Variants in C5orf24 observed in about 807,000 individuals in gnomAD.
The protein encoded by C5orf24 is chromosome 5 open reading frame 24, also known as UPF0461 protein C5orf24.
In C5orf24, 4 loss-of-function variants were observed where a neutral mutation model predicts 9.8. The ratio of observed to expected loss-of-function variants is 0.41; its 90% CI spans 0.20 to 0.93. The LOEUF is 0.93. Among genes scored for constraint, C5orf24 ranks in the 40% least tolerant of loss-of-function variants. C5orf24 has a pLI of 0.33. For missense variants in C5orf24, 170 were observed against 236.9 expected (o/e 0.72, Z 1.85); for synonymous variants, 73 against 81.3 (o/e 0.90, Z 0.55).
At chr5:134,840,788 G>C (rs184043858), upstream of C5orf24, among the ~76,000 whole-genome samples, 1 of 151,562 alleles carries the variant, frequency 6.6e-6, no homozygotes, top group Non-Finnish European at 1.5e-5. Flanking sequence ...CTCCTGTTTC[G>C]GCCTCCCAAA....
rs1246025914 is a variant in C5orf24 at position 134,857,379 on chromosome 5, G to T, written c.*1912G>T. 8 of 1,548,302 alleles carry T rather than the reference G, an allele frequency of 5.2e-6. No individual in the cohort carries two copies. In the East Asian group the frequency reaches 2.0e-4, roughly 38 times the overall value. ...CAGGAAAAAAGCAGCAAGCCTTCAGGTGTTCCAGTGATGCCTGACACAATT... is the reference window on the plus strand; with the variant it reads ...CAGGAAAAAAGCAGCAAGCCTTCAGTTGTTCCAGTGATGCCTGACACAATT... On this transcript the variant is annotated 3_prime_UTR_variant, in exon 2 of 2. Transcript: ENST00000394976.
At position 134,855,064 on chromosome 5, in the gene C5orf24, G is replaced by A; in HGVS notation, c.164G>A (p.Arg55Lys). ...TVNHKPMVCQ[R>K]QDPLNETHLQ... is the part of the protein sequence containing the mutation. ...AACCACAAACCAATGGTTTGTCAGA[G>A]GCAAGACCCATTAAATGAAACACAC... The change falls in exon 2 of 2, where the codon AGG (arginine) becomes AAG (lysine). Residue 55 changes from arginine (R) to lysine (K), a missense_variant. Coordinates refer to ENST00000394976, the MANE Select transcript of C5orf24 (RefSeq NM_001135586.1). The A allele has an allele frequency of 6.2e-7, 1 of 1,614,008 alleles. No individual in the cohort carries two copies. Among genetic ancestry groups the A allele is most frequent in the Non-Finnish European group, 8.5e-7 (1 of 1,180,016 alleles).
intron 1 of C5orf24, 148 bp from the exon 2 acceptor site, chr5:134,854,750 T>C (rs1756262505): frequency 1.4e-6 from 1 of 705,778 alleles, no homozygotes; most frequent in Non-Finnish European, 2.3e-6. Flanking sequence ...TGTGTTTGTT[T>C]ATAAGTGGTC....
At chr5:134,837,114 T>C in the C5orf24 span, among the ~76,000 whole-genome samples, 191 of 152,116 alleles carry the variant, frequency 1.3e-3, 2 homozygotes, top group Middle Eastern at 0.031. Context: ...GCTGGGACTA[T>C]AGGCATGCGT....
In C5orf24 at chr5:134,855,266, A is replaced by G. The variant is rs1449160285; in HGVS notation, c.366A>G (p.Pro122=). ...TTKAAGFKTS[P]GRPLGTTKAA... is the part of the protein sequence containing the mutation. ...AAGCAGCTGGATTTAAGACAAGTCC[A>G]GGCAGACCTTTGGGGACAACTAAAG... Residue 122 remains proline, a synonymous_variant, in exon 2 of 2, where the codon CCA becomes CCG. Coordinates refer to ENST00000394976, the MANE Select transcript of C5orf24 (RefSeq NM_001135586.1). 3.1e-6 allele frequency: 5 copies of G among 1,614,170 alleles called. No homozygotes were observed. Among genetic ancestry groups the G allele is most frequent in the Admixed American group, 1.7e-5 (1 of 60,016 alleles).
intron 1 of C5orf24, among the ~76,000 whole-genome samples, chr5:134,853,528 C>CTTCTTTTTT (rs1756223114): frequency 1.9e-5 from 2 of 104,244 alleles, no homozygotes; most frequent in African/African-American, 7.1e-5. Flanking sequence ...TCTTCTTCTT[C>CTTCTTTTTT]TTTTTTTTTT....
At chr5:134,835,045 A>C in the C5orf24 span, among the ~76,000 whole-genome samples, 1 of 148,048 alleles carries the variant, frequency 6.8e-6, no homozygotes, top group Non-Finnish European at 1.5e-5. Context: ...CTCCATCTCA[A>C]AAAAAAAAAA....
At position 134,857,255 on chromosome 5, in the gene C5orf24, A is replaced by G. The variant is rs1283365519; in HGVS notation, c.*1788A>G. On this transcript the variant is annotated 3_prime_UTR_variant, in exon 2 of 2. Transcript: ENST00000394976. ...ATTGCAGGACCCAAAAACTTTTAAA[A>G]TAATTAAAATTTTAAAAGAGCACAT... The G allele has an allele frequency of 1.1e-5, 15 of 1,364,374 alleles. No individual in the cohort carries two copies. The highest frequency in any genetic ancestry group is 2.7e-5 in the East Asian group (1 of 36,550). The allele number at this position is 1,364,374 out of a possible 1,614,324, so 84.5% of individuals were successfully genotyped here.
chr5:134,838,644 A>T, the C5orf24 span, among the ~76,000 whole-genome samples: 1 of 152,098 alleles, frequency 6.6e-6, no homozygotes, highest in Non-Finnish European at 1.5e-5. Flanking sequence ...TTTATCTCAA[A>T]CAAACAAATA....
In C5orf24 at chr5:134,855,540, G is replaced by T; in HGVS notation, c.*73G>T. 1.3e-6 allele frequency: 2 copies of T among 1,565,118 alleles called. No homozygotes were observed. Among genetic ancestry groups the T allele is most frequent in the African/African-American group, 1.4e-5 (1 of 72,398 alleles). On this transcript the variant is annotated 3_prime_UTR_variant, in exon 2 of 2. Coordinates refer to ENST00000394976, the MANE Select transcript of C5orf24 (RefSeq NM_001135586.1). ...TCCCAAAGCTTCTTGGTTTTATTTT[G>T]ATATACATAATTTTATGGCCTGGGC...
At chr5:134,835,111 C>CA in the C5orf24 span, among the ~76,000 whole-genome samples, 3 of 151,908 alleles carry the variant, frequency 2.0e-5, no homozygotes, top group Non-Finnish European at 2.9e-5. Context: ...GAGGCTGAGG[C>CA]ATGAGAACTG....
At chr5:134,853,174 TAAAAA>T (rs1414904268) in intron 1 of C5orf24, among the ~76,000 whole-genome samples, 2 of 145,210 alleles carry the variant, frequency 1.4e-5, no homozygotes, top group Non-Finnish European at 3.0e-5. Flanking sequence ...CAAAAAAAAA[TAAAAA>T]ATAAAATGAA....
Position 134,855,285 on chromosome 5 carries a change from A to G in C5orf24, c.385A>G (p.Thr129Ala). ...KTSPGRPLGT[T>A]KAAGYKVSPG... is the part of the protein sequence containing the mutation. Reference sequence around the variant, plus strand: ...AAGTCCAGGCAGACCTTTGGGGACAACTAAAGCTGCGGGATACAAAGTCAG... The same window carrying G: ...AAGTCCAGGCAGACCTTTGGGGACAGCTAAAGCTGCGGGATACAAAGTCAG... The change falls in exon 2 of 2, where the codon ACT (threonine) becomes GCT (alanine). Residue 129 changes from threonine to alanine, a missense_variant. Around this residue, in one of 3 missense-constraint regions of C5orf24, gnomAD observed 21 missense variants for 72.2 expected, o/e 0.29. Coordinates refer to ENST00000394976, the MANE Select transcript of C5orf24 (RefSeq NM_001135586.1). The G allele has an allele frequency of 6.2e-7, 1 of 1,614,172 alleles. No homozygotes were observed. Among genetic ancestry groups the G allele is most frequent in the Non-Finnish European group, 8.5e-7 (1 of 1,180,024 alleles).
At position 134,854,654 on chromosome 5, in the gene C5orf24, A is replaced by G. The variant is rs190128756; in HGVS notation, c.-3-244A>G. Among the ~76,000 whole-genome samples, 328 of 152,334 alleles carry G rather than the reference A, an allele frequency of 2.2e-3. 1 individual carries two copies. Among genetic ancestry groups the G allele is most frequent in the Non-Finnish European group, 7.2e-4 (49 of 68,034 alleles). ...TTCCTAATTGGAGAGCATTATAGCTATGAAATCAGTATTATAATAGAGTTA... is the reference window on the plus strand; with the variant it reads ...TTCCTAATTGGAGAGCATTATAGCTGTGAAATCAGTATTATAATAGAGTTA... On this transcript the variant is annotated intron_variant, in intron 1 of 1. Coordinates refer to ENST00000394976, the MANE Select transcript of C5orf24 (RefSeq NM_001135586.1).
At chr5:134,837,983 A>G in the C5orf24 span, among the ~76,000 whole-genome samples, 1 of 152,182 alleles carries the variant, frequency 6.6e-6, no homozygotes, top group Non-Finnish European at 1.5e-5. Flanking sequence ...GTGGTTGCTC[A>G]CACCTGTAAT....
chr5:134,857,125 C>A lies in C5orf24; in HGVS notation c.*1658C>A. 1 of 1,257,094 alleles carries A rather than the reference C, an allele frequency of 8.0e-7. No individual in the cohort carries two copies. 77.9% of individuals were successfully genotyped at this position (1,257,094 alleles called of 1,614,324 possible). On this transcript the variant is annotated 3_prime_UTR_variant, in exon 2 of 2. Coordinates refer to ENST00000394976, the MANE Select transcript of C5orf24 (RefSeq NM_001135586.1). ...ACACATTTTATTTATTGAGTTTGTT[C>A]TAAATAAAATATTATAAACTTCAGA...
the C5orf24 span, among the ~76,000 whole-genome samples, chr5:134,836,532 A>G: frequency 5.3e-5 from 8 of 150,622 alleles, no homozygotes; most frequent in African/African-American, 2.0e-4. Flanking sequence ...GTGTAAGGTT[A>G]TTGTTTTTGT....
intron 1 of C5orf24, among the ~76,000 whole-genome samples, chr5:134,853,878 C>G (rs934209600): frequency 6.6e-6 from 1 of 152,118 alleles, no homozygotes; most frequent in African/African-American, 2.4e-5. Context: ...GTCAGGAGTT[C>G]GAGACCAGCC....
intron 1 of C5orf24, among the ~76,000 whole-genome samples, chr5:134,849,020 G>A (rs1413200928): frequency 1.3e-5 from 2 of 151,850 alleles, no homozygotes; most frequent in African/African-American, 4.8e-5. Context: ...TACTTTGGGA[G>A]GCTGAGCGGG....
Sources: gnomAD v4.1 joint callset for allele counts (sites outside exome capture counted in the v4.1 genomes callset) on GRCh38, gnomAD v4.1.1 for gene constraint, gnomAD v4.1.1 regional missense constraint, MANE v1.5 for transcripts, NCBI Gene and HGNC (gene_info 2026-07-23, HGNC 2026-07-21) for gene names.